RBFOX1: variants seen among roughly 807,000 people sequenced by gnomAD.
The protein encoded by RBFOX1 is RNA binding protein fox-1 homolog 1.
A neutral mutation model predicts 57.7 loss-of-function variants in RBFOX1; 8 were observed. The ratio of observed to expected loss-of-function variants is 0.14; its 90% CI spans 0.08 to 0.25. RBFOX1 has a LOEUF of 0.25. Among genes scored for constraint, RBFOX1 ranks in the 10% least tolerant of loss-of-function variants. RBFOX1 has a pLI of 1.00. For missense variants in RBFOX1, 611 were observed against 548.5 expected (o/e 1.11, Z -1.14); for synonymous variants, 326 against 222.4 (o/e 1.47, Z -4.15).
intron 2 of RBFOX1, among the ~76,000 whole-genome samples, chr16:6,388,410 G>A (rs1302501234): frequency 1.3e-5 from 2 of 152,080 alleles, no homozygotes; most frequent in African/African-American, 4.8e-5. Flanking sequence ...AAGAAATGAA[G>A]ACCAAGGTTC....
At chr16:5,863,058 T>C (rs1211066806) in intron 3 of RBFOX1, among the ~76,000 whole-genome samples, 1 of 152,142 alleles carries the variant, frequency 6.6e-6, no homozygotes, top group African/African-American at 2.4e-5. Context: ...GCTTTGGAGT[T>C]CGACCTGAGT....
At chr16:7,247,067 G>T (rs1394954186) in intron 4 of RBFOX1, among the ~76,000 whole-genome samples, 1 of 152,068 alleles carries the variant, frequency 6.6e-6, no homozygotes, top group African/African-American at 2.4e-5. Flanking sequence ...AGTACAATGG[G>T]GTCCTTGATT....
chr16:6,699,657 C>T (rs1282961429), intron 3 of RBFOX1, among the ~76,000 whole-genome samples: 1 of 152,106 alleles, frequency 6.6e-6, no homozygotes, highest in African/African-American at 2.4e-5. Flanking sequence ...TCAACCAGCC[C>T]CTGCCCTGTT....
At chr16:6,308,951 G>A (rs1278089394) in intron 1 of RBFOX1, among the ~76,000 whole-genome samples, 1 of 151,904 alleles carries the variant, frequency 6.6e-6, no homozygotes, top group Non-Finnish European at 1.5e-5. Flanking sequence ...CTGGCCAGAG[G>A]GACGTCTCTC....
At chr16:5,634,699 G>T (rs1465898230) in intron 3 of RBFOX1, among the ~76,000 whole-genome samples, 1 of 152,148 alleles carries the variant, frequency 6.6e-6, no homozygotes, top group Non-Finnish European at 1.5e-5. Context: ...AGCAAATTGG[G>T]ATGGGGAGCC....
intron 4 of RBFOX1, among the ~76,000 whole-genome samples, chr16:7,125,661 G>A (rs1444215457): frequency 6.6e-6 from 1 of 152,144 alleles, no homozygotes; most frequent in Non-Finnish European, 1.5e-5. Flanking sequence ...CTGAGGAACA[G>A]CAGCAATGAG....
At chr16:7,401,333 A>G (rs1227765643) in intron 4 of RBFOX1, among the ~76,000 whole-genome samples, 1 of 152,214 alleles carries the variant, frequency 6.6e-6, no homozygotes, top group Non-Finnish European at 1.5e-5. Flanking sequence ...GCTTCTTTCA[A>G]GGAGGTAAAC....
intron 1 of RBFOX1, among the ~76,000 whole-genome samples, chr16:6,089,852 TAAG>T (rs917974861): frequency 1.6e-4 from 24 of 152,326 alleles, no homozygotes; most frequent in African/African-American, 4.3e-4. Context: ...TGAATCCTCT[TAAG>T]AACACACAAA....
At chr16:6,309,026 C>A (rs1320642795) in intron 1 of RBFOX1, among the ~76,000 whole-genome samples, 1 of 152,180 alleles carries the variant, frequency 6.6e-6, no homozygotes, top group African/African-American at 2.4e-5. Flanking sequence ...TCCTCTCACC[C>A]TATACCCAGG....
intron 3 of RBFOX1, among the ~76,000 whole-genome samples, chr16:5,672,747 C>G (rs745733698): frequency 6.6e-6 from 1 of 151,920 alleles, no homozygotes; most frequent in Non-Finnish European, 1.5e-5. Context: ...GTTGGTTTGC[C>G]TGTAATTTGT....
intron 3 of RBFOX1, chr16:6,748,830 C>T (rs1248368560): frequency 1.3e-5 from 2 of 151,932 alleles, no homozygotes; most frequent in Non-Finnish European, 1.5e-5. Flanking sequence ...TATTGAATAC[C>T]TTCTAGATGC....
intron 3 of RBFOX1, among the ~76,000 whole-genome samples, chr16:5,727,702 G>T (rs1236817054): frequency 6.6e-6 from 1 of 150,990 alleles, no homozygotes; most frequent in Non-Finnish European, 1.5e-5. Context: ...TTGTTTGTTT[G>T]TTTAGAGACA....
intron 2 of RBFOX1, among the ~76,000 whole-genome samples, chr16:6,332,479 C>A (rs1054653780): frequency 5.9e-5 from 9 of 152,152 alleles, no homozygotes; most frequent in Non-Finnish European, 1.3e-4. Context: ...TTAGGGATGG[C>A]AGGAATAATG....
intron 3 of RBFOX1, among the ~76,000 whole-genome samples, chr16:6,764,528 G>A (rs2077059927): frequency 6.6e-6 from 1 of 152,146 alleles, no homozygotes. Flanking sequence ...CTCAATGTTG[G>A]AGCAACAACA....
intron 4 of RBFOX1, chr16:7,304,543 C>T (rs1318510414): frequency 3.6e-5 from 35 of 985,210 alleles, no homozygotes; most frequent in Admixed American, 1.8e-4. Context: ...AGATGGGTCC[C>T]CGCGCGTACT....
chr16:7,216,074 C>A (rs189520914), intron 4 of RBFOX1, among the ~76,000 whole-genome samples: 39 of 152,038 alleles, frequency 2.6e-4, no homozygotes, highest in Admixed American at 9.2e-4. Flanking sequence ...TTGTATTTGC[C>A]TTCTTTCACT....
intron 1 of RBFOX1, among the ~76,000 whole-genome samples, chr16:6,081,807 G>T (rs2152508689): frequency 6.6e-6 from 1 of 152,266 alleles, no homozygotes; most frequent in South Asian, 2.1e-4. Context: ...TCCATTGTTG[G>T]TAGATTCCAG....
At chr16:7,681,195 T>C (rs1324433477) in intron 14 of RBFOX1, among the ~76,000 whole-genome samples, 4 of 152,112 alleles carry the variant, frequency 2.6e-5, no homozygotes, top group African/African-American at 9.7e-5. Context: ...GACATATACA[T>C]ACATCCATGC....
intron 2 of RBFOX1, among the ~76,000 whole-genome samples, chr16:6,460,827 C>CAAAAT (rs2094900861): frequency 7.1e-6 from 1 of 141,336 alleles, no homozygotes; most frequent in South Asian, 2.2e-4. Flanking sequence ...TTCAGAATAC[C>CAAAAT]AAAAAAAAAA....
Sources: allele counts gnomAD v4.1 joint callset (sites outside exome capture counted in the v4.1 genomes callset), GRCh38; gene constraint gnomAD v4.1.1; transcripts MANE v1.5; gene names NCBI Gene and HGNC (gene_info 2026-07-23, HGNC 2026-07-21).